CFAP20DC: variants seen among roughly 807,000 people sequenced by gnomAD.
The protein encoded by CFAP20DC is protein CFAP20DC.
A neutral mutation model predicts 101.7 loss-of-function variants in CFAP20DC; 84 were observed. That is an observed-to-expected ratio of 0.83 (90% CI 0.69 to 0.99). The LOEUF (loss-of-function observed/expected upper bound fraction) is 0.99, where lower values mean the gene tolerates loss of function less well. CFAP20DC is among the 50% of genes least tolerant of loss of function. The probability of loss-of-function intolerance (pLI) is 0.00; values close to 1 mark genes in which losing one functional copy is unlikely to be tolerated. For missense variants in CFAP20DC, 1,007 were observed against 970.3 expected, an observed-to-expected ratio of 1.04 and a Z score of -0.50; for synonymous variants, 359 against 351.2, an observed-to-expected ratio of 1.02 and a Z score of -0.25.
chr3:58,849,018 C>T lies in CFAP20DC; in HGVS notation c.1971+14G>A, dbSNP rs577461345. The stretch of plus-strand genomic sequence containing the variant: ...GTATTGCCGGCATCTGTAAACCACA[C>T]GGGAACCACTTACAGATGCTTCGGG... On this transcript the variant is annotated intron_variant, in intron 13 of 16. Transcript: ENST00000482387. 30 of 1,532,096 alleles carry T rather than the reference C, an allele frequency of 2.0e-5. No individual in the cohort carries two copies. The Admixed American group carries it at 2.2e-4, about 11-fold the overall frequency. The allele number at this position is 1,532,096 out of a possible 1,614,324, so 94.9% of individuals were successfully genotyped here. A position where few individuals can be genotyped will look rare whatever the true frequency, so the allele number is the denominator to read the frequency against.
intron 14 of CFAP20DC, among the ~76,000 whole-genome samples, chr3:58,812,832 G>T (rs1353259314): frequency 6.6e-6 from 1 of 151,796 alleles, no homozygotes; most frequent in Non-Finnish European, 1.5e-5. Flanking sequence ...CCCAGTCATT[G>T]GACCTCATAG....
At chr3:59,027,720 T>C (rs1282572071) in intron 4 of CFAP20DC, among the ~76,000 whole-genome samples, 3 of 152,210 alleles carry the variant, frequency 2.0e-5, no homozygotes, top group African/African-American at 2.4e-5. Context: ...TATTTCAAGA[T>C]GCAGTTGCTT....
chr3:58,781,121 C>A (rs561958562), intron 15 of CFAP20DC, among the ~76,000 whole-genome samples: 13 of 151,622 alleles, frequency 8.6e-5, no homozygotes, highest in African/African-American at 2.9e-4. Context: ...ACCTAGAAAT[C>A]AATAACAAGA....
intron 16 of CFAP20DC, among the ~76,000 whole-genome samples, chr3:58,751,915 G>A (rs560167646): frequency 6.6e-6 from 1 of 151,994 alleles, no homozygotes; most frequent in African/African-American, 2.4e-5. Flanking sequence ...ATGACTTGGT[G>A]TCTGGCATAA....
chr3:58,947,082 G>A (rs2089467379), intron 4 of CFAP20DC, among the ~76,000 whole-genome samples: 1 of 152,124 alleles, frequency 6.6e-6, no homozygotes, highest in Admixed American at 6.6e-5. Context: ...GAGCAATAAT[G>A]GTAAATTATT....
chr3:58,942,069 C>A (rs1223873405), intron 4 of CFAP20DC, among the ~76,000 whole-genome samples: 1 of 152,116 alleles, frequency 6.6e-6, no homozygotes, highest in Non-Finnish European at 1.5e-5. Flanking sequence ...TTTTTTCAAT[C>A]ATGAAAGGTT....
At chr3:58,760,081 G>A (rs1031193422) in intron 15 of CFAP20DC, among the ~76,000 whole-genome samples, 1 of 152,180 alleles carries the variant, frequency 6.6e-6, no homozygotes, top group African/African-American at 2.4e-5. Flanking sequence ...GAAAGTCATT[G>A]GTAGCTTGAT....
intron 15 of CFAP20DC, among the ~76,000 whole-genome samples, chr3:58,781,402 G>C (rs772665373): frequency 6.6e-6 from 1 of 151,506 alleles, no homozygotes; most frequent in South Asian, 2.1e-4. Context: ...AGAAAAGCAA[G>C]AACAAACCAA....
chr3:58,933,804 C>T (rs1352623731), intron 5 of CFAP20DC, among the ~76,000 whole-genome samples: 1 of 151,690 alleles, frequency 6.6e-6, no homozygotes, highest in South Asian at 2.1e-4. Context: ...GCACTAAATG[C>T]CCAAAAAGAA....
chr3:59,008,084 T>C (rs371560853), intron 4 of CFAP20DC, among the ~76,000 whole-genome samples: 9 of 152,134 alleles, frequency 5.9e-5, no homozygotes, highest in Non-Finnish European at 1.3e-4. Context: ...GATGCACTTA[T>C]AGACAGCCTT....
chr3:58,743,098 T>A lies in CFAP20DC; in HGVS notation c.2333-526A>T, dbSNP rs191946777. Among the ~76,000 whole-genome samples, 55 of 151,578 alleles carry A rather than the reference T, an allele frequency of 3.6e-4. No homozygotes were observed. In the East Asian group the frequency reaches 0.01, roughly 28 times the overall value. On this transcript the variant is annotated intron_variant, in intron 16 of 16. Transcript: ENST00000482387. ...ACAGACAACATACACAGAAAAAAAA[T>A]GTCAGGTGATTTGTAGTTTTATTAG...
Position 58,913,889 on chromosome 3 carries a change from A to G in CFAP20DC, c.394-25T>C, listed in dbSNP as rs1426035157. On this transcript the variant is annotated intron_variant, in intron 5 of 16. Coordinates refer to ENST00000482387, the MANE Select transcript of CFAP20DC (RefSeq NM_001394063.1). The surrounding 1 kb of genome is among the most constrained non-coding windows in gnomAD (Gnocchi z 4.4). ...ACTAAAATAGAGAGATGCAAAGAAGAGTAAGGACCTTTCATCAACACATAA... is the reference window on the plus strand; with the variant it reads ...ACTAAAATAGAGAGATGCAAAGAAGGGTAAGGACCTTTCATCAACACATAA... 6.2e-7 allele frequency: 1 copy of G among 1,611,712 alleles called. No individual in the cohort carries two copies. The highest frequency in any genetic ancestry group is 1.1e-5 in the South Asian group (1 of 90,980).
intron 14 of CFAP20DC, among the ~76,000 whole-genome samples, chr3:58,829,185 T>A (rs1047240130): frequency 1.5e-4 from 23 of 151,848 alleles, no homozygotes; most frequent in East Asian, 5.8e-4. Context: ...TACAAAAAAT[T>A]AGCTGGGCAT....
At chr3:58,877,620 A>G (rs984978346) in intron 7 of CFAP20DC, among the ~76,000 whole-genome samples, 2 of 152,140 alleles carry the variant, frequency 1.3e-5, no homozygotes, top group Non-Finnish European at 2.9e-5. Context: ...AAGCACCCCA[A>G]TGCCTCTTTG....
intron 15 of CFAP20DC, among the ~76,000 whole-genome samples, chr3:58,764,646 A>C (rs2070089296): frequency 6.6e-6 from 1 of 152,100 alleles, no homozygotes; most frequent in African/African-American, 2.4e-5. Flanking sequence ...AGCTGTTCCT[A>C]TTCGGCCATC....
intron 4 of CFAP20DC, among the ~76,000 whole-genome samples, chr3:58,997,541 T>C (rs1221530240): frequency 6.6e-6 from 1 of 152,206 alleles, no homozygotes; most frequent in Non-Finnish European, 1.5e-5. Context: ...AAGCCTCTAA[T>C]GATGGCCTCA....
At chr3:58,967,393 A>G (rs1030919264) in intron 4 of CFAP20DC, among the ~76,000 whole-genome samples, 2 of 152,208 alleles carry the variant, frequency 1.3e-5, no homozygotes, top group African/African-American at 4.8e-5. Flanking sequence ...TACATTTAAG[A>G]GCTAAAACTA....
intron 13 of CFAP20DC, among the ~76,000 whole-genome samples, chr3:58,838,107 C>T (rs1314660595): frequency 3.3e-5 from 5 of 152,156 alleles, no homozygotes; most frequent in Non-Finnish European, 5.9e-5. Context: ...GTAAGTGACA[C>T]ATATTTGTGC....
At chr3:58,834,286 C>A (rs115058657) in intron 13 of CFAP20DC, among the ~76,000 whole-genome samples, 1 of 152,154 alleles carries the variant, frequency 6.6e-6, no homozygotes, top group African/African-American at 2.4e-5. Context: ...CAGCAGTGAG[C>A]AAGTGACTTG....
Sources: gnomAD v4.1 joint callset for allele counts (sites outside exome capture counted in the v4.1 genomes callset) on GRCh38, gnomAD v4.1.1 for gene constraint, Gnocchi (gnomAD v3.1) non-coding constraint, MANE v1.5 for transcripts, NCBI Gene and HGNC (gene_info 2026-07-23, HGNC 2026-07-21) for gene names.